The following CACNB2 variants were observed in gnomAD, a reference collection of about 807,000 sequenced individuals.
The protein encoded by CACNB2 is calcium voltage-gated channel auxiliary subunit beta 2.
A neutral mutation model predicts 73.3 loss-of-function variants in CACNB2; 42 were observed. That is an observed-to-expected ratio of 0.57 (90% CI 0.45 to 0.74). The LOEUF is 0.74. CACNB2 is among the 30% of genes least tolerant of loss of function. The pLI, the probability that CACNB2 is intolerant of heterozygous loss-of-function variation, is 0.00. For missense variants in CACNB2, 940 were observed against 853.0 expected (o/e 1.10, Z -1.27); for synonymous variants, 348 against 310.3 (o/e 1.12, Z -1.28).
At chr10:18,454,252 T>C (rs527373299) in intron 3 of CACNB2, among the ~76,000 whole-genome samples, 1 of 152,348 alleles carries the variant, frequency 6.6e-6, no homozygotes, top group East Asian at 1.9e-4. Context: ...CAGAAAATGA[T>C]ATCTACAGAT....
At chr10:18,441,367 T>G (rs908776141) in intron 3 of CACNB2, among the ~76,000 whole-genome samples, 1 of 152,170 alleles carries the variant, frequency 6.6e-6, no homozygotes, top group East Asian at 1.9e-4. Flanking sequence ...ATCGCGTCAC[T>G]GCACTCTAGT....
intron 2 of CACNB2, among the ~76,000 whole-genome samples, chr10:18,350,148 G>A (rs2041644143): frequency 6.6e-6 from 1 of 152,142 alleles, no homozygotes; most frequent in Non-Finnish European, 1.5e-5. Flanking sequence ...AGGAGGGTGA[G>A]GCAGGAGAAT....
rs71402179 is a variant in CACNB2 at position 18,513,101 on chromosome 10, C to CTT, written c.671-1116_671-1115dup. The CTT allele has an allele frequency of 2.7e-3, 304 of 114,404 alleles. 10 individuals carry two copies. The highest frequency in any genetic ancestry group is 7.3e-3 in the African/African-American group (210 of 28,746). 7.1% of individuals were successfully genotyped at this position (114,404 alleles called of 1,614,324 possible). A position where few individuals can be genotyped will look rare whatever the true frequency, so the allele number is the denominator to read the frequency against. On this transcript the variant is annotated intron_variant, in intron 6 of 13. Transcript: ENST00000324631. ...CAGCCCACCAAACAGTGACCATAAC[C>CTT]TTTTTTTTTTTTTTTTTTTTGGTGC...
intron 2 of CACNB2, among the ~76,000 whole-genome samples, chr10:18,184,225 A>G (rs2034035088): frequency 6.6e-6 from 1 of 152,222 alleles, no homozygotes; most frequent in African/African-American, 2.4e-5. Flanking sequence ...CCTGCAAGAG[A>G]AAGACAGGAC....
intron 2 of CACNB2, among the ~76,000 whole-genome samples, chr10:18,165,054 T>C (rs1410854581): frequency 6.6e-6 from 1 of 152,202 alleles, no homozygotes; most frequent in East Asian, 1.9e-4. Flanking sequence ...GTACTCATGA[T>C]GTGAAGTCCA....
intron 2 of CACNB2, among the ~76,000 whole-genome samples, chr10:18,289,507 G>C (rs2038970939): frequency 6.6e-6 from 1 of 151,846 alleles, no homozygotes; most frequent in African/African-American, 2.4e-5. Flanking sequence ...AGTTAGCCAG[G>C]ATGGTCTTAA....
At chr10:18,538,560 C>A (rs868779870) in intron 13 of CACNB2, among the ~76,000 whole-genome samples, 195 bp downstream of exon 13, 1 of 152,078 alleles carries the variant, frequency 6.6e-6, no homozygotes, top group African/African-American at 2.4e-5. Flanking sequence ...TGGGAACATA[C>A]ACAGACTACC....
At chr10:18,141,134 CAG>C in intron 1 of CACNB2, 1 of 1,548,772 alleles carries the variant, frequency 6.5e-7, no homozygotes, top group Non-Finnish European at 8.7e-7. Flanking sequence ...CGGGTTGCTC[CAG>C]CTGGCCCTCC....
chr10:18,385,801 G>A (rs762159193), intron 2 of CACNB2, among the ~76,000 whole-genome samples: 9 of 151,702 alleles, frequency 5.9e-5, no homozygotes, highest in South Asian at 2.1e-4. Flanking sequence ...AGCATGTATC[G>A]CTAGAGATAA....
chr10:18,478,975 C>G (rs936928891), intron 3 of CACNB2, among the ~76,000 whole-genome samples: 2 of 152,038 alleles, frequency 1.3e-5, no homozygotes, highest in African/African-American at 4.8e-5. Flanking sequence ...GAGGATCGCT[C>G]TAAGCCCAGT....
intron 2 of CACNB2, among the ~76,000 whole-genome samples, chr10:18,293,590 G>A (rs1296895517): frequency 6.6e-6 from 1 of 152,178 alleles, no homozygotes; most frequent in African/African-American, 2.4e-5. Context: ...ACTCAATTAT[G>A]CTAATATTTT....
intron 2 of CACNB2, among the ~76,000 whole-genome samples, chr10:18,266,945 G>C (rs954714846): frequency 1.3e-5 from 2 of 152,076 alleles, no homozygotes; most frequent in African/African-American, 4.8e-5. Flanking sequence ...AAATATATTT[G>C]CACAGTAAAT....
rs2053933764 is a variant in CACNB2, at chr10:18,539,485, T to A, written c.1744T>A (p.Tyr582Asn). The change falls in exon 14 of 14, where the codon TAT becomes AAT. Residue 582 changes from tyrosine to asparagine, a missense_variant. Tyr to Asn is a moderately radical substitution (Grantham distance 143). Coordinates refer to ENST00000324631, the MANE Select transcript of CACNB2 (RefSeq NM_201596.3). Reference protein sequence around the residue: ...EDYSHDHVDHYASHRDHNHRD... With the variant: ...EDYSHDHVDHNASHRDHNHRD... ...TTATTCCCATGACCACGTGGACCAC[T>A]ATGCCTCACACCGTGACCACAACCA... is the stretch of plus-strand genomic sequence containing the variant. The A allele has an allele frequency of 6.2e-7, 1 of 1,613,788 alleles. No homozygotes were observed. Among genetic ancestry groups the A allele is most frequent in the East Asian group, 2.2e-5 (1 of 44,826 alleles).
chr10:18,286,933 G>C (rs575874963), intron 2 of CACNB2, among the ~76,000 whole-genome samples: 1 of 152,108 alleles, frequency 6.6e-6, no homozygotes, highest in Non-Finnish European at 1.5e-5. Context: ...TAGGGTCCAC[G>C]ATCTCCAAGT....
chr10:18,319,576 G>C (rs2040322227), intron 2 of CACNB2, among the ~76,000 whole-genome samples: 1 of 151,748 alleles, frequency 6.6e-6, no homozygotes, highest in African/African-American at 2.4e-5. Context: ...TAACAAACGT[G>C]TACATTCTGC....
intron 10 of CACNB2, among the ~76,000 whole-genome samples, chr10:18,532,668 C>G (rs1440760773): frequency 2.4e-5 from 3 of 122,810 alleles, no homozygotes; most frequent in East Asian, 2.2e-4. Context: ...CAGAGAGAGA[C>G]TCTGTCTCAA....
At chr10:18,280,506 T>C (rs1426560452) in intron 2 of CACNB2, among the ~76,000 whole-genome samples, 1 of 152,148 alleles carries the variant, frequency 6.6e-6, no homozygotes, top group East Asian at 1.9e-4. Context: ...GTGTGTATTA[T>C]AAAAAGGTAC....
chr10:18,468,793 T>C (rs912931514), intron 3 of CACNB2, among the ~76,000 whole-genome samples: 1 of 152,016 alleles, frequency 6.6e-6, no homozygotes, highest in Non-Finnish European at 1.5e-5. Flanking sequence ...AAGATGGGGT[T>C]TCTGCATGTT....
At chr10:18,159,261 G>T (rs1014718962) in intron 2 of CACNB2, among the ~76,000 whole-genome samples, 4 of 152,120 alleles carry the variant, frequency 2.6e-5, no homozygotes, top group African/African-American at 7.2e-5. Flanking sequence ...CTCCTGCCGC[G>T]TATAGCCCGG....
Sources: allele counts gnomAD v4.1 joint callset (sites outside exome capture counted in the v4.1 genomes callset), GRCh38; gene constraint gnomAD v4.1.1; transcripts MANE v1.5; gene names NCBI Gene and HGNC (gene_info 2026-07-23, HGNC 2026-07-21).